TRIQK: variants seen among roughly 807,000 people sequenced by gnomAD.
The protein encoded by TRIQK is triple QxxK/R motif-containing protein.
A neutral mutation model predicts 10.8 loss-of-function variants in TRIQK; 10 were observed. That is an observed-to-expected ratio of 0.92 (90% CI 0.57 to 1.57). The LOEUF (loss-of-function observed/expected upper bound fraction) is 1.57, where lower values mean the gene tolerates loss of function less well. Ranked by LOEUF, TRIQK falls within the 40% of genes most tolerant of loss-of-function variation. The pLI, the probability that TRIQK is intolerant of heterozygous loss-of-function variation, is 0.00. For missense variants in TRIQK, 107 were observed against 97.7 expected (o/e 1.09, Z -0.40); for synonymous variants, 33 against 33.7 (o/e 0.98, Z 0.07).
intron 2 of TRIQK, among the ~76,000 whole-genome samples, chr8:92,932,805 TA>T (rs1810802353): frequency 2.0e-5 from 3 of 152,190 alleles, no homozygotes; most frequent in Admixed American, 2.0e-4. Flanking sequence ...TAGTTAGAAT[TA>T]ATGTATATCA....
intron 2 of TRIQK, among the ~76,000 whole-genome samples, chr8:92,917,523 T>C (rs920485794): frequency 6.6e-5 from 10 of 151,996 alleles, no homozygotes; most frequent in African/African-American, 2.4e-4. Flanking sequence ...ATGTAAACAA[T>C]AAAAACTACT....
At chr8:92,990,278 T>C (rs1216606763) in intron 1 of TRIQK, among the ~76,000 whole-genome samples, 5 of 152,186 alleles carry the variant, frequency 3.3e-5, no homozygotes, top group African/African-American at 1.2e-4. Context: ...AACCAGAACA[T>C]CTGCTTTTCT....
intron 2 of TRIQK, among the ~76,000 whole-genome samples, chr8:92,939,213 G>C (rs185829385): frequency 1.3e-5 from 2 of 152,294 alleles, no homozygotes; most frequent in Non-Finnish European, 2.9e-5. Flanking sequence ...TCTAGGTATA[G>C]ATCAGCCTAC....
chr8:92,893,856 T>G (rs911716841), intron 3 of TRIQK, among the ~76,000 whole-genome samples: 186 of 116,798 alleles, frequency 1.6e-3, no homozygotes, highest in Middle Eastern at 4.3e-3. Flanking sequence ...TGGCGGGGGG[T>G]GGGGGGTGAG....
intron 1 of TRIQK, among the ~76,000 whole-genome samples, chr8:92,983,382 A>G (rs543831817): frequency 3.9e-5 from 6 of 152,178 alleles, no homozygotes; most frequent in South Asian, 2.1e-4. Flanking sequence ...CATAGTAAAG[A>G]TTTATTTCCT....
intron 1 of TRIQK, among the ~76,000 whole-genome samples, chr8:92,988,058 G>C (rs867277413): frequency 7.5e-6 from 1 of 134,126 alleles, no homozygotes; most frequent in Admixed American, 8.7e-5. Flanking sequence ...CCAGGCTGGA[G>C]TGCAGTGGCG....
chr8:92,989,644 T>A (rs1335479316), intron 1 of TRIQK, among the ~76,000 whole-genome samples: 2 of 152,166 alleles, frequency 1.3e-5, no homozygotes, highest in Non-Finnish European at 2.9e-5. Context: ...GATTCTACAT[T>A]ATGGTGAGTA....
intron 2 of TRIQK, chr8:92,941,233 ATT>A (rs1040241389): frequency 2.6e-5 from 4 of 151,952 alleles, no homozygotes; most frequent in African/African-American, 9.7e-5. Context: ...TACCCAGCTA[ATT>A]TTTGTATTTT....
At chr8:92,990,856 GT>G (rs972298243) in intron 1 of TRIQK, among the ~76,000 whole-genome samples, 8 of 151,540 alleles carry the variant, frequency 5.3e-5, no homozygotes, top group African/African-American at 7.3e-5. Context: ...AGCTGCAGGA[GT>G]TTTTTTTTCA....
At chr8:92,956,758 G>C (rs1259894780) in intron 1 of TRIQK, among the ~76,000 whole-genome samples, 2 of 151,748 alleles carry the variant, frequency 1.3e-5, no homozygotes, top group African/African-American at 4.8e-5. Flanking sequence ...TACATAAATA[G>C]TCCCATGTCA....
intron 1 of TRIQK, among the ~76,000 whole-genome samples, chr8:92,991,153 G>A (rs1018869061): frequency 5.9e-5 from 9 of 152,176 alleles, no homozygotes; most frequent in South Asian, 2.1e-4. Flanking sequence ...CAAACTGGGC[G>A]GAGCCCACCG....
chr8:92,990,434 T>C (rs1162062856), intron 1 of TRIQK, among the ~76,000 whole-genome samples: 1 of 152,102 alleles, frequency 6.6e-6, no homozygotes, highest in Non-Finnish European at 1.5e-5. Context: ...GTTTTTAAAT[T>C]AAAGAAGATC....
intron 1 of TRIQK, among the ~76,000 whole-genome samples, chr8:92,984,693 A>G (rs1052162798): frequency 6.6e-6 from 1 of 152,154 alleles, no homozygotes; most frequent in African/African-American, 2.4e-5. Flanking sequence ...GAAACTTAAG[A>G]TAAAATAATT....
intron 1 of TRIQK, among the ~76,000 whole-genome samples, chr8:92,975,090 A>G (rs1812917818): frequency 6.6e-6 from 1 of 152,122 alleles, no homozygotes; most frequent in African/African-American, 2.4e-5. Context: ...TCCCACAATC[A>G]AGGATACCTG....
At chr8:93,007,696 A>G (rs1412799458) in intron 1 of TRIQK, among the ~76,000 whole-genome samples, 1 of 152,250 alleles carries the variant, frequency 6.6e-6, no homozygotes, top group East Asian at 1.9e-4. Flanking sequence ...GACCTGACAG[A>G]GCTGAAAAAC....
At chr8:93,013,038 T>C (rs138427508) in intron 1 of TRIQK, among the ~76,000 whole-genome samples, 139 of 152,250 alleles carry the variant, frequency 9.1e-4, no homozygotes, top group African/African-American at 3.2e-3. Flanking sequence ...AGAACCATGA[T>C]GTCCTACACA....
At chr8:92,980,463 C>A (rs975259183) in intron 1 of TRIQK, among the ~76,000 whole-genome samples, 4 of 151,922 alleles carry the variant, frequency 2.6e-5, no homozygotes, top group African/African-American at 9.7e-5. Context: ...GTAGCTTCAT[C>A]TCATTTTCTT....
chr8:92,906,898 G>GA (rs562924059), intron 3 of TRIQK, among the ~76,000 whole-genome samples: 1,424 of 130,684 alleles, frequency 0.011, 12 homozygotes, highest in South Asian at 0.018. Context: ...GTCTCAAAAA[G>GA]AAAAAAAAAA....
At position 92,903,339 on chromosome 8, in the gene TRIQK, A is replaced by C. The variant is rs74845332; in HGVS notation, c.62-11265T>G. On this transcript the variant is annotated intron_variant, in intron 3 of 4. Coordinates refer to ENST00000521988, the MANE Select transcript of TRIQK (RefSeq NM_001171797.2). ...TATGGAAGTTTTATCCAGACAGTAG[A>C]TTTTTTAAATAATTCAAGCACTTAA... is the stretch of plus-strand genomic sequence containing the variant. Among the ~76,000 whole-genome samples, 751 of 152,254 alleles carry C rather than the reference A, an allele frequency of 4.9e-3. 3 individuals carry two copies. The highest frequency in any genetic ancestry group is 0.017 in the African/African-American group (712 of 41,578).
Sources: allele counts gnomAD v4.1 joint callset (sites outside exome capture counted in the v4.1 genomes callset), GRCh38; gene constraint gnomAD v4.1.1; transcripts MANE v1.5; gene names NCBI Gene and HGNC (gene_info 2026-07-23, HGNC 2026-07-21).